Variants in NCALD observed in about 807,000 individuals in gnomAD.
NCALD encodes neurocalcin delta.
In NCALD, 10 loss-of-function variants were observed where a neutral mutation model predicts 18.6. The ratio of observed to expected loss-of-function variants is 0.54; its 90% CI spans 0.33 to 0.91. NCALD has a LOEUF of 0.91. NCALD is among the 40% of genes least tolerant of loss of function. The pLI is 0.03. For missense variants in NCALD, 184 were observed against 247.6 expected, an observed-to-expected ratio of 0.74 and a Z score of 1.72; for synonymous variants, 88 against 87.4, an observed-to-expected ratio of 1.01 and a Z score of -0.04.
At chr8:102,077,784 C>CTCTCT (rs2132319925) in intron 1 of NCALD, among the ~76,000 whole-genome samples, 1 of 152,274 alleles carries the variant, frequency 6.6e-6, no homozygotes, top group African/African-American at 2.4e-5. Flanking sequence ...GGAATTTGAC[C>CTCTCT]TCTTACCTGA....
At chr8:101,932,618 G>A (rs1818618910) in intron 2 of NCALD, among the ~76,000 whole-genome samples, 3 of 151,860 alleles carry the variant, frequency 2.0e-5, no homozygotes, top group South Asian at 2.1e-4. Context: ...AAGAGTACAC[G>A]AGAGAAAAAA....
intron 4 of NCALD, among the ~76,000 whole-genome samples, chr8:101,827,159 C>G (rs1187077152): frequency 6.6e-6 from 1 of 152,176 alleles, no homozygotes; most frequent in Admixed American, 6.5e-5. Context: ...TGGTGGCTGT[C>G]AGCATTCATT....
intron 1 of NCALD, among the ~76,000 whole-genome samples, chr8:102,044,143 A>T (rs1270902180): frequency 6.6e-6 from 1 of 151,972 alleles, no homozygotes; most frequent in East Asian, 1.9e-4. Context: ...ACATTACTAC[A>T]TGTATTATTT....
chr8:102,047,182 G>A (rs1293402636), intron 1 of NCALD, among the ~76,000 whole-genome samples: 1 of 152,210 alleles, frequency 6.6e-6, no homozygotes, highest in Non-Finnish European at 1.5e-5. Flanking sequence ...ATTCCACGGT[G>A]TATAGGTACT....
intron 4 of NCALD, among the ~76,000 whole-genome samples, chr8:101,798,925 T>C (rs1045057923): frequency 6.6e-6 from 1 of 152,166 alleles, no homozygotes; most frequent in Non-Finnish European, 1.5e-5. Context: ...TTTTTCAACA[T>C]ATGGTACTGG....
At chr8:102,018,849 C>A (rs1822177759) in intron 2 of NCALD, among the ~76,000 whole-genome samples, 1 of 151,884 alleles carries the variant, frequency 6.6e-6, no homozygotes, top group Non-Finnish European at 1.5e-5. Flanking sequence ...GTACTTCACA[C>A]CATGTACAAT....
intron 2 of NCALD, among the ~76,000 whole-genome samples, chr8:101,980,480 T>C (rs183149378): frequency 4.6e-5 from 7 of 152,244 alleles, no homozygotes; most frequent in African/African-American, 1.4e-4. Context: ...GAAAGACTAT[T>C]GGCGAAGGGT....
At chr8:102,121,302 G>C (rs1448955313) in intron 1 of NCALD, among the ~76,000 whole-genome samples, 2 of 152,112 alleles carry the variant, frequency 1.3e-5, no homozygotes, top group Non-Finnish European at 1.5e-5. Context: ...CTTCTCTAGA[G>C]CTTTGAAGCC....
At chr8:102,014,948 C>T (rs1822030565) in intron 2 of NCALD, among the ~76,000 whole-genome samples, 2 of 152,126 alleles carry the variant, frequency 1.3e-5, no homozygotes, top group Admixed American at 1.3e-4. Context: ...AACAAGATCT[C>T]AGTGGGTGCA....
rs113347351 is a variant in NCALD at position 101,804,979 on chromosome 8, T to A, written c.-20+82162A>T. On this transcript the variant is annotated intron_variant, in intron 4 of 6. Transcript: ENST00000311028. ...CTTACATGCAACACTACTTAATGAC[T>A]CGGCATATATATGTTTATGTTAAAA... 5.7e-3 allele frequency among the ~76,000 whole-genome samples: 869 copies of A among 152,174 alleles called. 11 individuals carry two copies. Among genetic ancestry groups the A allele is most frequent in the African/African-American group, 0.018 (764 of 41,520 alleles).
intron 3 of NCALD, among the ~76,000 whole-genome samples, chr8:101,899,493 C>T (rs1460346902): frequency 1.3e-5 from 2 of 151,860 alleles, no homozygotes; most frequent in Non-Finnish European, 2.9e-5. Context: ...CAATCTTTTA[C>T]TATTAAGTAC....
At chr8:102,016,747 AT>A (rs1377390869) in intron 2 of NCALD, among the ~76,000 whole-genome samples, 1 of 152,226 alleles carries the variant, frequency 6.6e-6, no homozygotes, top group African/African-American at 2.4e-5. Context: ...TAACAATATT[AT>A]TTACTTTATT....
intron 2 of NCALD, among the ~76,000 whole-genome samples, chr8:102,018,414 A>G (rs1204637846): frequency 6.6e-6 from 1 of 152,204 alleles, no homozygotes; most frequent in Non-Finnish European, 1.5e-5. Context: ...ACTCAACAAT[A>G]CAAAGGAACT....
At chr8:102,072,048 G>A (rs1824193388) in intron 1 of NCALD, among the ~76,000 whole-genome samples, 1 of 151,442 alleles carries the variant, frequency 6.6e-6, no homozygotes, top group Admixed American at 6.6e-5. Context: ...AAAGTTGGAG[G>A]ACTTAAACGG....
chr8:101,979,997 T>C (rs978721970), intron 2 of NCALD, among the ~76,000 whole-genome samples: 2 of 151,910 alleles, frequency 1.3e-5, no homozygotes, highest in Non-Finnish European at 2.9e-5. Flanking sequence ...GTGGTGGTCC[T>C]GTGAAGGCTT....
chr8:101,899,248 CCTAA>C (rs1209634885), intron 3 of NCALD, among the ~76,000 whole-genome samples: 3 of 151,914 alleles, frequency 2.0e-5, no homozygotes, highest in African/African-American at 7.2e-5. Context: ...CATCCTGCAA[CCTAA>C]CTAAACTCAT....
At chr8:101,731,773 A>C (rs189077221) in intron 1 of NCALD, among the ~76,000 whole-genome samples, 2 of 152,256 alleles carry the variant, frequency 1.3e-5, no homozygotes, top group Middle Eastern at 3.4e-3. Flanking sequence ...CTAATGTCTA[A>C]GTCTGCCTCC....
intron 2 of NCALD, among the ~76,000 whole-genome samples, chr8:101,699,092 AT>A (rs1815138044): frequency 6.7e-6 from 1 of 148,418 alleles, no homozygotes; most frequent in South Asian, 2.1e-4. Context: ...AAAAAAAACC[AT>A]CAAAAAGTGG....
intron 4 of NCALD, among the ~76,000 whole-genome samples, chr8:101,858,416 G>T (rs1247399564): frequency 6.6e-6 from 1 of 152,150 alleles, no homozygotes; most frequent in Non-Finnish European, 1.5e-5. Context: ...TGATAAAAAG[G>T]TAGTTAGAAA....
Sources: allele counts gnomAD v4.1 joint callset (sites outside exome capture counted in the v4.1 genomes callset), GRCh38; gene constraint gnomAD v4.1.1; transcripts MANE v1.5; gene names NCBI Gene and HGNC (gene_info 2026-07-23, HGNC 2026-07-21).